The following RNF145 variants were observed in gnomAD, a reference collection of about 807,000 sequenced individuals.
The protein encoded by RNF145 is ring finger protein 145.
In RNF145, 12 loss-of-function variants were observed where a neutral mutation model predicts 57.3. The ratio of observed to expected loss-of-function variants is 0.21; its 90% CI spans 0.13 to 0.34. The LOEUF (loss-of-function observed/expected upper bound fraction) is 0.34, where lower values mean the gene tolerates loss of function less well. RNF145 is among the 10% of genes least tolerant of loss of function. The pLI, the probability that RNF145 is intolerant of heterozygous loss-of-function variation, is 1.00. For missense variants in RNF145, 429 were observed against 799.0 expected (o/e 0.54, Z 5.58); for synonymous variants, 262 against 288.3 (o/e 0.91, Z 0.92).
chr5:159,192,662 T>G (rs1384345500), intron 3 of RNF145, among the ~76,000 whole-genome samples: 3 of 152,182 alleles, frequency 2.0e-5, no homozygotes, highest in Non-Finnish European at 4.4e-5. Context: ...GGTAAGAGCT[T>G]TATATACCTT....
chr5:159,166,469 C>T (rs956467569), intron 8 of RNF145, among the ~76,000 whole-genome samples: 1 of 152,196 alleles, frequency 6.6e-6, no homozygotes, highest in African/African-American at 2.4e-5. Flanking sequence ...CAAAAATATA[C>T]TAATCTCAGT....
intron 4 of RNF145, among the ~76,000 whole-genome samples, chr5:159,180,890 G>A (rs1463675264): frequency 6.6e-6 from 1 of 151,968 alleles, no homozygotes; most frequent in African/African-American, 2.4e-5. Flanking sequence ...AGATTTTGCA[G>A]GCTGAAAAGG....
chr5:159,173,259 C>T (rs1784612939), intron 6 of RNF145, among the ~76,000 whole-genome samples: 1 of 151,866 alleles, frequency 6.6e-6, no homozygotes, highest in Admixed American at 6.6e-5. Context: ...TTTTTTAAAG[C>T]TCATCAGCTA....
At chr5:159,201,956 C>T (rs1446000032) in intron 2 of RNF145, among the ~76,000 whole-genome samples, 1 of 152,124 alleles carries the variant, frequency 6.6e-6, no homozygotes. Context: ...AGGAGCATTA[C>T]ATAAACACTA....
At chr5:159,193,798 C>CA (rs1785363652) in intron 3 of RNF145, among the ~76,000 whole-genome samples, 1 of 152,086 alleles carries the variant, frequency 6.6e-6, no homozygotes, top group South Asian at 2.1e-4. Context: ...TCAACTACCC[C>CA]AAAATCTGTT....
Position 159,158,943 on chromosome 5 carries a change from C to A in RNF145, c.1719G>T (p.Leu573=), listed in dbSNP as rs768215912. 2.1e-5 allele frequency: 34 copies of A among 1,613,792 alleles called. No homozygotes were observed. In the South Asian group the frequency reaches 3.7e-4, roughly 18 times the overall value. ...AGGAGTTTTTCAGATGGCAGTGGCA[C>A]AGAGGGCAGGTCTCCTGGACATACA... is the stretch of plus-strand genomic sequence containing the variant. ...KWLYVQETCP[L]CHCHLKNSSQ... is the part of the protein sequence containing the mutation. The change falls in exon 11 of 11, where the codon CTG becomes CTT. Residue 573 remains leucine (L), a synonymous_variant. Transcript: ENST00000424310.
In RNF145 at chr5:159,200,237, C is replaced by G. The variant is rs549758814; in HGVS notation, c.184+3197G>C. On this transcript the variant is annotated intron_variant, in intron 2 of 10. Transcript: ENST00000424310. Reference sequence around the variant, plus strand: ...ACAATTTTGAGACAATTCTTAAATTCACATAGAAAACTAACCATAAAAAAA... The same window carrying G: ...ACAATTTTGAGACAATTCTTAAATTGACATAGAAAACTAACCATAAAAAAA... Among the ~76,000 whole-genome samples the G allele has an allele frequency of 2.0e-5, 3 of 152,026 alleles. No homozygotes were observed. The East Asian group carries it at 5.8e-4, about 29-fold the overall frequency.
At chr5:159,162,903 T>C (rs372288185) in intron 9 of RNF145, 29 bp downstream of exon 9, 513 of 1,553,440 alleles carry the variant, frequency 3.3e-4, no homozygotes, top group Non-Finnish European at 4.2e-4. Flanking sequence ...AATTGGTTAT[T>C]ATATAGAGTT....
At chr5:159,193,103 A>G (rs1785342132) in intron 3 of RNF145, among the ~76,000 whole-genome samples, 1 of 152,166 alleles carries the variant, frequency 6.6e-6, no homozygotes. Context: ...GGCTCTATGG[A>G]GAGGGATGCT....
intron 10 of RNF145, among the ~76,000 whole-genome samples, chr5:159,160,225 T>C (rs929178145): frequency 2.2e-4 from 33 of 152,178 alleles, no homozygotes; most frequent in Non-Finnish European, 3.5e-4. Context: ...ACTAAGAGAA[T>C]GGCTACTTTG....
chr5:159,204,803 C>T (rs1409506333), intron 1 of RNF145, among the ~76,000 whole-genome samples: 1 of 47,068 alleles, frequency 2.1e-5, no homozygotes, highest in African/African-American at 7.0e-5. Context: ...GACTCCGTCT[C>T]AAAAAAAAAA....
At chr5:159,160,874 C>A (rs1044005487) in intron 10 of RNF145, among the ~76,000 whole-genome samples, 1 of 152,154 alleles carries the variant, frequency 6.6e-6, no homozygotes, top group African/African-American at 2.4e-5. Context: ...CTTCCCCACT[C>A]TGGAAATACT....
chr5:159,209,114 G>C, intron 1 of RNF145, 117 bp downstream of exon 1: 1 of 228,872 alleles, frequency 4.4e-6, no homozygotes, highest in Non-Finnish European at 7.2e-6. Flanking sequence ...TAAAAGGAAA[G>C]GGGCGAACAG....
intron 2 of RNF145, among the ~76,000 whole-genome samples, chr5:159,199,922 T>C (rs1423094807): frequency 6.6e-6 from 1 of 152,174 alleles, no homozygotes; most frequent in African/African-American, 2.4e-5. Flanking sequence ...TTCCATTAAA[T>C]ACAAACTTTA....
chr5:159,207,649 G>C, intron 1 of RNF145: 2 of 1,609,914 alleles, frequency 1.2e-6, no homozygotes, highest in Non-Finnish European at 1.7e-6. Flanking sequence ...GCCCAGAACT[G>C]AGATACCAGG....
intron 3 of RNF145, among the ~76,000 whole-genome samples, chr5:159,186,181 T>C (rs987075523): frequency 6.6e-6 from 1 of 151,736 alleles, no homozygotes; most frequent in African/African-American, 2.4e-5. Context: ...GAGCCAAGAT[T>C]GCACCACTGC....
chr5:159,183,419 C>T (rs530975032), intron 3 of RNF145, among the ~76,000 whole-genome samples: 1 of 151,984 alleles, frequency 6.6e-6, no homozygotes, highest in Non-Finnish European at 1.5e-5. Context: ...AAAGGCTAGC[C>T]CCTAGAACAA....
intron 3 of RNF145, among the ~76,000 whole-genome samples, 193 bp from the exon 4 acceptor site, chr5:159,182,244 T>C (rs1052603728): frequency 6.6e-6 from 1 of 152,122 alleles, no homozygotes; most frequent in Admixed American, 6.6e-5. Context: ...CTTATTGAAA[T>C]GGAATTTTAC....
Position 159,176,930 on chromosome 5 carries a change from C to A in RNF145, c.386-63G>T. The A allele has an allele frequency of 6.6e-6, 6 of 908,818 alleles. No homozygotes were observed. In the Admixed American group the frequency reaches 1.0e-4, roughly 16 times the overall value. 56.3% of individuals were successfully genotyped at this position (908,818 alleles called of 1,614,324 possible). A position where few individuals can be genotyped will look rare whatever the true frequency, so the allele number is the denominator to read the frequency against. ...TTGGCATCCACAAAATAAAAACAAA[C>A]AAAAAACACTGTTGATAAGGATAAT... On this transcript the variant is annotated intron_variant, in intron 4 of 10. Transcript: ENST00000424310.
Sources: gnomAD v4.1 joint callset for allele counts (sites outside exome capture counted in the v4.1 genomes callset) on GRCh38, gnomAD v4.1.1 for gene constraint, MANE v1.5 for transcripts, NCBI Gene and HGNC (gene_info 2026-07-23, HGNC 2026-07-21) for gene names.